MTIF2: variants seen among roughly 807,000 people sequenced by gnomAD.
MTIF2 encodes translation initiation factor IF-2, mitochondrial.
Under a neutral mutation model 83.5 loss-of-function variants are expected in MTIF2, and 71 were observed. That is an observed-to-expected ratio of 0.85 (90% confidence interval 0.70 to 1.04). The LOEUF is 1.04. Among genes scored for constraint, MTIF2 ranks in the 50% least tolerant of loss-of-function variants. The probability of loss-of-function intolerance (pLI) is 0.00; values close to 1 mark genes in which losing one functional copy is unlikely to be tolerated. For missense variants in MTIF2, 957 were observed against 846.5 expected (o/e 1.13, Z -1.62); for synonymous variants, 319 against 287.1 (o/e 1.11, Z -1.12).
chr2:55,236,800 G>A lies in MTIF2; in HGVS notation c.2032C>T (p.His678Tyr). 8 of 1,602,530 alleles carry A rather than the reference G, an allele frequency of 5.0e-6. No homozygotes were observed. Among genetic ancestry groups the A allele is most frequent in the Non-Finnish European group, 5.1e-6 (6 of 1,177,006 alleles). ...IWKGSLTSLK[H>Y]HKDDISIVKT... ...ACAATTGAAATGTCATCTTTATGGT[G>A]TTTCAATGAGGTTAATGAGCCTTAA... The change falls in exon 16 of 16, where the codon CAC becomes TAC. Residue 678 changes from histidine to tyrosine, a missense_variant. His to Tyr is a moderately conservative substitution (Grantham distance 83). Transcript: ENST00000263629.
At chr2:55,265,635 T>C (rs560529604) in intron 3 of MTIF2, among the ~76,000 whole-genome samples, 7 of 152,288 alleles carry the variant, frequency 4.6e-5, no homozygotes, top group Non-Finnish European at 7.4e-5. Context: ...AAAATAACTT[T>C]AGTTAACATT....
At chr2:55,240,495 C>G (rs566734488) in intron 13 of MTIF2, among the ~76,000 whole-genome samples, 1 of 152,228 alleles carries the variant, frequency 6.6e-6, no homozygotes, top group Non-Finnish European at 1.5e-5. Context: ...AGGAGAATCG[C>G]TTGAACCCGG....
In MTIF2 at chr2:55,236,740, C is replaced by T. The variant is rs771628095; in HGVS notation, c.2092G>A (p.Glu698Lys). 4.3e-6 allele frequency: 7 copies of T among 1,611,790 alleles called. No homozygotes were observed. The highest frequency in any genetic ancestry group is 1.7e-5 in the Admixed American group (1 of 59,488). The change falls in exon 16 of 16, where the codon GAA (glutamate) becomes AAA (lysine). Residue 698 changes from glutamate to lysine, a missense_variant. By Grantham distance (56) the Glu-to-Lys change is moderately conservative. Coordinates refer to ENST00000263629, the MANE Select transcript of MTIF2 (RefSeq NM_002453.3). ...TGMDCGLSLD[E>K]DNMEFQVGDR... ...CCCACTTGAAATTCCATATTGTCTT[C>T]ATCTAAACTGAGACCACAATCCATT...
chr2:55,257,229 C>T (rs1677614407), intron 5 of MTIF2, among the ~76,000 whole-genome samples: 1 of 152,110 alleles, frequency 6.6e-6, no homozygotes, highest in South Asian at 2.1e-4. Context: ...CCTATAATCC[C>T]AGCACTTTGG....
chr2:55,265,791 G>C (rs1337244042), intron 3 of MTIF2, among the ~76,000 whole-genome samples: 1 of 151,944 alleles, frequency 6.6e-6, no homozygotes, highest in African/African-American at 2.4e-5. Flanking sequence ...TTACTAATCA[G>C]CCCTTTGTAT....
At chr2:55,256,647 G>C (rs1677560858) in intron 5 of MTIF2, among the ~76,000 whole-genome samples, 1 of 150,360 alleles carries the variant, frequency 6.7e-6, no homozygotes, top group African/African-American at 2.4e-5. Context: ...GTTGAAGTAA[G>C]CCGAGATCAC....
chr2:55,249,025 A>T (rs1248833042), intron 9 of MTIF2, among the ~76,000 whole-genome samples: 2 of 152,154 alleles, frequency 1.3e-5, no homozygotes, highest in African/African-American at 4.8e-5. Flanking sequence ...TGTAGCCCCA[A>T]CTACTCAAGA....
Position 55,243,448 on chromosome 2 carries a change from CTT to C in MTIF2, c.1530_1531del (p.Asp512PhefsTer9). 6.2e-7 allele frequency: 1 copy of C among 1,610,492 alleles called. No individual in the cohort carries two copies. ...AATCACAGAAAGTACATTTGAATCT[CTT>C]TCCCTTTTCTCTTTTGGCTTTAAGG... On this transcript the variant is annotated frameshift_variant, in exon 12 of 16. Coordinates refer to ENST00000263629, the MANE Select transcript of MTIF2 (RefSeq NM_002453.3). LOFTEE classifies it high-confidence loss of function.
At chr2:55,237,205 G>C (rs1675904374) in intron 15 of MTIF2, 83 bp downstream of exon 15, 3 of 1,423,696 alleles carry the variant, frequency 2.1e-6, no homozygotes, top group Non-Finnish European at 2.9e-6. Flanking sequence ...GGGCATGAAA[G>C]ATGAACAGAT....
intron 5 of MTIF2, 72 bp from the exon 6 acceptor site, chr2:55,254,897 G>T: frequency 1.1e-6 from 1 of 943,642 alleles, no homozygotes; most frequent in Non-Finnish European, 1.5e-6. Flanking sequence ...ATTAATAAAT[G>T]TCTATATAAA....
chr2:55,255,592 C>T (rs1677454279), intron 5 of MTIF2, among the ~76,000 whole-genome samples: 1 of 150,898 alleles, frequency 6.6e-6, no homozygotes, highest in African/African-American at 2.4e-5. Flanking sequence ...CATATTTTCT[C>T]TGTAAGGCAT....
chr2:55,252,536 G>C lies in MTIF2; in HGVS notation c.782C>G (p.Ala261Gly), dbSNP rs368852946. ...AGTTTGTTTCATCACTCCATCATCT[G>C]CAGCTACAACCAATACGACAATGTC... ...VTDIVVLVVA[A>G]DDGVMKQTVE... Residue 261 changes from alanine (A) to glycine (G), a missense_variant, in exon 8 of 16, where the codon GCA becomes GGA. Physicochemically the swap from Ala to Gly is moderately conservative, Grantham distance 60 (BLOSUM62 0). Around this residue, in one of 3 missense-constraint regions of MTIF2, gnomAD observed 733 missense variants for 648.7 expected, o/e 1.13. Coordinates refer to ENST00000263629, the MANE Select transcript of MTIF2 (RefSeq NM_002453.3). The C allele has an allele frequency of 2.3e-4, 373 of 1,614,004 alleles. 1 individual carries two copies. The highest frequency in any genetic ancestry group is 3.1e-4 in the Non-Finnish European group (364 of 1,179,990).
rs1352494636 is a variant in MTIF2, at chr2:55,246,362, CTA to C, written c.1079_1080del (p.Ile360ArgfsTer41). On this transcript the variant is annotated frameshift_variant, in exon 10 of 16. Coordinates refer to ENST00000263629, the MANE Select transcript of MTIF2 (RefSeq NM_002453.3). LOFTEE classifies it high-confidence loss of function. Reference protein sequence around the residue: ...DPNGPVEGTVIESFTDKGRGL... With the variant: ...DPNGPVEGTVXESFTDKGRGL... ...CCTCTTCCTTTGTCTGTGAAAGACTCTATTACTGTTCCTTCCACTGGACCATT... is the reference window on the plus strand; with the variant it reads ...CCTCTTCCTTTGTCTGTGAAAGACTCTTACTGTTCCTTCCACTGGACCATT... 5 of 1,613,834 alleles carry C rather than the reference CTA, an allele frequency of 3.1e-6. No individual in the cohort carries two copies. Among genetic ancestry groups the C allele is most frequent in the East Asian group, 4.5e-5 (2 of 44,868 alleles).
Position 55,246,418 on chromosome 2 carries a change from G to C in MTIF2, c.1025C>G (p.Ala342Gly). ...ATCTGCTTTCAATTCTAACATTTCT[G>C]CAAGAGCAACTGTTGCTTCTGCCAA... ...MALAEATVAL[A>G]EMLELKADPN... is the part of the protein sequence containing the mutation. Residue 342 changes from alanine (A) to glycine (G), a missense_variant, in exon 10 of 16, where the codon GCA (alanine) becomes GGA (glycine). This residue lies in a region of MTIF2 where 733 missense variants were observed against 648.7 expected (regional missense o/e 1.13). Transcript: ENST00000263629. 1 of 1,613,746 alleles carries C rather than the reference G, an allele frequency of 6.2e-7. No homozygotes were observed. The highest frequency in any genetic ancestry group is 8.5e-7 in the Non-Finnish European group (1 of 1,179,772).
intron 13 of MTIF2, among the ~76,000 whole-genome samples, chr2:55,240,418 T>C (rs1490159940): frequency 6.6e-6 from 1 of 152,112 alleles, no homozygotes; most frequent in African/African-American, 2.4e-5. Flanking sequence ...CTGTCTCTAC[T>C]AAAAATACAA....
chr2:55,261,581 TG>T (rs994238417), intron 5 of MTIF2, among the ~76,000 whole-genome samples: 10 of 151,776 alleles, frequency 6.6e-5, no homozygotes, highest in South Asian at 2.1e-4. Flanking sequence ...CACTCCAGCC[TG>T]GGCAACGAGA....
chr2:55,241,248 T>TAGACAGACA (rs1676281870), intron 13 of MTIF2, among the ~76,000 whole-genome samples: 1 of 150,864 alleles, frequency 6.6e-6, no homozygotes, highest in Non-Finnish European at 1.5e-5. Flanking sequence ...TGACACCCTG[T>TAGACAGACA]CTCTACTAAA....
intron 14 of MTIF2, among the ~76,000 whole-genome samples, chr2:55,239,086 G>A (rs1298741565): frequency 7.2e-5 from 11 of 152,162 alleles, no homozygotes; most frequent in Admixed American, 7.2e-4. Context: ...CAGATTAAAT[G>A]GAGCTAGAGA....
At chr2:55,263,950 GACTAC>G (rs932079262) in intron 3 of MTIF2, 85 bp from the exon 4 acceptor site, 3 of 996,864 alleles carry the variant, frequency 3.0e-6, no homozygotes, top group Non-Finnish European at 4.5e-6. Flanking sequence ...CATAGCACTG[GACTAC>G]ACTTAGCTCA....
Sources: allele counts gnomAD v4.1 joint callset (sites outside exome capture counted in the v4.1 genomes callset), GRCh38; gene constraint gnomAD v4.1.1; regional missense constraint gnomAD v4.1.1; transcripts MANE v1.5; gene names NCBI Gene and HGNC (gene_info 2026-07-23, HGNC 2026-07-21).